The following SLC24A4 variants were observed in gnomAD, a reference collection of about 807,000 sequenced individuals.
SLC24A4 encodes solute carrier family 24 member 4.
SLC24A4 carries 53 observed loss-of-function variants against 79.0 expected under a neutral mutation model. That is an observed-to-expected ratio of 0.67 (90% confidence interval 0.54 to 0.84). SLC24A4 has a LOEUF of 0.84. Among genes scored for constraint, SLC24A4 ranks in the 40% least tolerant of loss-of-function variants. The probability of loss-of-function intolerance (pLI) is 0.00; values close to 1 mark genes in which losing one functional copy is unlikely to be tolerated. For synonymous variants in SLC24A4, 323 were observed against 323.8 expected, an observed-to-expected ratio of 1.00 and a Z score of 0.03; for missense variants, 731 against 822.0, an observed-to-expected ratio of 0.89 and a Z score of 1.35.
intron 2 of SLC24A4, among the ~76,000 whole-genome samples, chr14:92,383,153 TCA>T (rs1888950722): frequency 6.6e-6 from 1 of 152,188 alleles, no homozygotes; most frequent in Admixed American, 6.5e-5. Flanking sequence ...TGCGTTCTTC[TCA>T]CAGTCACGTC....
At chr14:92,432,692 A>C (rs1891943119) in intron 2 of SLC24A4, among the ~76,000 whole-genome samples, 1 of 152,212 alleles carries the variant, frequency 6.6e-6, no homozygotes, top group Admixed American at 6.5e-5. Context: ...TTTTCGTTAA[A>C]TGCTGCTTGT....
At chr14:92,431,025 C>G (rs1891842085) in intron 2 of SLC24A4, among the ~76,000 whole-genome samples, 1 of 152,336 alleles carries the variant, frequency 6.6e-6, no homozygotes, top group East Asian at 1.9e-4. Flanking sequence ...GGAAGGCTTT[C>G]TCAGGAACCT....
intron 14 of SLC24A4, among the ~76,000 whole-genome samples, chr14:92,488,298 C>A (rs916663465): frequency 6.6e-6 from 1 of 152,110 alleles, no homozygotes; most frequent in Non-Finnish European, 1.5e-5. Flanking sequence ...TCTCAAACTC[C>A]TGACCTCAAG....
intron 12 of SLC24A4, among the ~76,000 whole-genome samples, chr14:92,457,774 A>G (rs575249757): frequency 2.6e-5 from 4 of 152,338 alleles, no homozygotes; most frequent in African/African-American, 9.6e-5. Context: ...AGGAGGCAAG[A>G]TTCCAGAACT....
intron 1 of SLC24A4, among the ~76,000 whole-genome samples, chr14:92,324,199 A>G (rs1026622291): frequency 6.6e-6 from 1 of 152,148 alleles, no homozygotes; most frequent in Non-Finnish European, 1.5e-5. Flanking sequence ...ACGCGGCTGC[A>G]GGTGTGTGTT....
chr14:92,345,298 C>T lies in SLC24A4; in HGVS notation c.241+19320C>T, dbSNP rs191059314. Among the ~76,000 whole-genome samples, 5 of 152,322 alleles carry T rather than the reference C, an allele frequency of 3.3e-5. No individual in the cohort carries two copies. In the East Asian group the frequency reaches 7.7e-4, roughly 24 times the overall value. ...GGCTTTGCTGCTTACTGGCAGCAAC[C>T]TGGAGCAAGTTACTTATGAACCCTT... is the stretch of plus-strand genomic sequence containing the variant. On this transcript the variant is annotated intron_variant, in intron 2 of 16. Coordinates refer to ENST00000532405, the MANE Select transcript of SLC24A4 (RefSeq NM_153646.4).
chr14:92,437,406 C>T (rs1892235762), intron 3 of SLC24A4, among the ~76,000 whole-genome samples: 1 of 152,218 alleles, frequency 6.6e-6, no homozygotes, highest in Non-Finnish European at 1.5e-5. Context: ...TCGGTAGTTC[C>T]TGGCACACAG....
chr14:92,335,595 T>C (rs1885741690), intron 2 of SLC24A4, among the ~76,000 whole-genome samples: 1 of 152,024 alleles, frequency 6.6e-6, no homozygotes, highest in African/African-American at 2.4e-5. Context: ...ACTCCTGACC[T>C]CAGGTGATCC....
intron 13 of SLC24A4, chr14:92,484,411 T>C: frequency 1.0e-6 from 1 of 985,266 alleles, no homozygotes; most frequent in Non-Finnish European, 1.2e-6. Context: ...CCCAGCCTGT[T>C]CCCTTTCTCC....
intron 2 of SLC24A4, among the ~76,000 whole-genome samples, chr14:92,379,504 G>A (rs559100970): frequency 7.9e-5 from 12 of 152,224 alleles, no homozygotes; most frequent in African/African-American, 1.4e-4. Flanking sequence ...GCTTCAGCCC[G>A]AGTTTGTTGG....
At chr14:92,380,410 G>C (rs1888774548) in intron 2 of SLC24A4, among the ~76,000 whole-genome samples, 1 of 152,170 alleles carries the variant, frequency 6.6e-6, no homozygotes, top group African/African-American at 2.4e-5. Context: ...GCAGGATCCT[G>C]CTTGAAAAAG....
rs968349105 is a variant in SLC24A4, at chr14:92,353,688, C to T, written c.241+27710C>T. On this transcript the variant is annotated intron_variant, in intron 2 of 16. Coordinates refer to ENST00000532405, the MANE Select transcript of SLC24A4 (RefSeq NM_153646.4). The surrounding 1 kb of genome is among the most constrained non-coding windows in gnomAD (Gnocchi z 4.1). ...TTGTGTTCCCTTTCTGCTTGCTCTT[C>T]GTGTCCTTTTCTGTGTAGGCATTTA... 1.3e-5 allele frequency among the ~76,000 whole-genome samples: 2 copies of T among 152,170 alleles called. No homozygotes were observed. Among genetic ancestry groups the T allele is most frequent in the Non-Finnish European group, 2.9e-5 (2 of 68,036 alleles).
chr14:92,477,477 T>C (rs1894831929), intron 12 of SLC24A4, among the ~76,000 whole-genome samples: 1 of 152,216 alleles, frequency 6.6e-6, no homozygotes, highest in African/African-American at 2.4e-5. Flanking sequence ...TTGTTGTTGT[T>C]TTGTTTTTCC....
chr14:92,464,619 T>C (rs572717464), intron 12 of SLC24A4, among the ~76,000 whole-genome samples: 1 of 151,834 alleles, frequency 6.6e-6, no homozygotes, highest in African/African-American at 2.4e-5. Context: ...AGGAAGGTGG[T>C]CGGTCCAGCC....
intron 2 of SLC24A4, among the ~76,000 whole-genome samples, chr14:92,364,597 G>A (rs1165576598): frequency 6.6e-6 from 1 of 152,210 alleles, no homozygotes; most frequent in Non-Finnish European, 1.5e-5. Context: ...GTGGAAAATG[G>A]CCTTTCCTTC....
At chr14:92,396,705 G>T (rs1010540593) in intron 2 of SLC24A4, among the ~76,000 whole-genome samples, 1 of 152,144 alleles carries the variant, frequency 6.6e-6, no homozygotes, top group Admixed American at 6.5e-5. Context: ...GATGCCCAGC[G>T]TGCCCAATTT....
Position 92,380,048 on chromosome 14 carries a change from C to T in SLC24A4, c.242-53864C>T, listed in dbSNP as rs181480854. 7.0e-3 allele frequency among the ~76,000 whole-genome samples: 1,061 copies of T among 152,336 alleles called. 12 individuals carry two copies. The highest frequency in any genetic ancestry group is 0.024 in the African/African-American group (1,009 of 41,564). ...GCCAATCCTCCAGGGCAGGGTTTCA[C>T]TCATTCACTGCCTGCGTGCCTGTGC... is the stretch of plus-strand genomic sequence containing the variant. On this transcript the variant is annotated intron_variant, in intron 2 of 16. Coordinates refer to ENST00000532405, the MANE Select transcript of SLC24A4 (RefSeq NM_153646.4).
chr14:92,404,684 T>A (rs1890281376), intron 2 of SLC24A4, among the ~76,000 whole-genome samples: 1 of 152,178 alleles, frequency 6.6e-6, no homozygotes, highest in African/African-American at 2.4e-5. Context: ...AAAGCATGCA[T>A]CCCTTCACTC....
chr14:92,354,580 G>T (rs1369886179), intron 2 of SLC24A4, among the ~76,000 whole-genome samples: 1 of 152,228 alleles, frequency 6.6e-6, no homozygotes, highest in Non-Finnish European at 1.5e-5. Flanking sequence ...TGCTAGAATA[G>T]AATTTCTGGC....
Sources: allele counts gnomAD v4.1 joint callset (sites outside exome capture counted in the v4.1 genomes callset), GRCh38; gene constraint gnomAD v4.1.1; non-coding constraint Gnocchi (gnomAD v3.1); transcripts MANE v1.5; gene names NCBI Gene and HGNC (gene_info 2026-07-23, HGNC 2026-07-21).